ENOX1: variants seen among roughly 807,000 people sequenced by gnomAD.
The protein encoded by ENOX1 is ecto-NOX disulfide-thiol exchanger 1, also known as candidate growth-related and time keeping constitutive hydroquinone (NADH) oxidase.
In ENOX1, 42 loss-of-function variants were observed where a neutral mutation model predicts 82.5. The observed-to-expected ratio is 0.51, with a 90% CI of 0.40 to 0.66. The LOEUF (loss-of-function observed/expected upper bound fraction) is 0.66. ENOX1 is among the 30% of genes least tolerant of loss of function. The probability of loss-of-function intolerance (pLI) is 0.00; values close to 1 mark genes in which losing one functional copy is unlikely to be tolerated. For synonymous variants in ENOX1, 271 were observed against 282.2 expected (o/e 0.96, Z 0.40); for missense variants, 608 against 811.6 (o/e 0.75, Z 3.05).
intron 8 of ENOX1, among the ~76,000 whole-genome samples, chr13:43,353,497 T>C (rs532276421): frequency 1.3e-5 from 2 of 152,336 alleles, no homozygotes; most frequent in South Asian, 4.1e-4. Flanking sequence ...TTTCTTTACC[T>C]TAGGTATTGA....
intron 1 of ENOX1, among the ~76,000 whole-genome samples, chr13:43,690,698 C>G (rs1206330169): frequency 6.6e-6 from 1 of 152,136 alleles, no homozygotes; most frequent in Non-Finnish European, 1.5e-5. Context: ...TCTGTCAGCT[C>G]CAACAAGTCT....
rs746354728 is a variant in ENOX1 at position 43,326,453 on chromosome 13, C to T, written c.1109G>A (p.Arg370His). The T allele has an allele frequency of 6.2e-6, 10 of 1,614,134 alleles. No individual in the cohort carries two copies. The highest frequency in any genetic ancestry group is 5.0e-5 in the Admixed American group (3 of 60,026). The change falls in exon 10 of 17, where the codon CGC (arginine) becomes CAC (histidine). Residue 370 changes from arginine to histidine, a missense_variant. Coordinates refer to ENST00000690772, the MANE Select transcript of ENOX1 (RefSeq NM_001347969.2). ...CTTTCGCCAAATGTCTATGTTCTTGCGCTGGGCTTTCGAGAAATGGTCCCA... is the reference window on the plus strand; with the variant it reads ...CTTTCGCCAAATGTCTATGTTCTTGTGCTGGGCTTTCGAGAAATGGTCCCA... ...KAWDHFSKAQ[R>H]KNIDIWRKHS...
chr13:43,542,140 T>C (rs1259257642), intron 2 of ENOX1, among the ~76,000 whole-genome samples: 1 of 152,036 alleles, frequency 6.6e-6, no homozygotes, highest in African/African-American at 2.4e-5. Context: ...TGTCTTCTTC[T>C]TTTTTTTCTT....
chr13:43,214,415 T>G (rs954591635), intron 16 of ENOX1, among the ~76,000 whole-genome samples: 1 of 152,092 alleles, frequency 6.6e-6, no homozygotes, highest in African/African-American at 2.4e-5. Context: ...TCCCCTGATA[T>G]AAAAGGAGAT....
chr13:43,411,895 T>G, intron 5 of ENOX1, 21 bp downstream of exon 5: 2 of 1,613,802 alleles, frequency 1.2e-6, no homozygotes, highest in Non-Finnish European at 1.7e-6. Flanking sequence ...CAAGCATCTC[T>G]GAAACCAGGA....
At chr13:43,438,119 T>C (rs948556998) in intron 3 of ENOX1, among the ~76,000 whole-genome samples, 11 of 152,218 alleles carry the variant, frequency 7.2e-5, no homozygotes, top group African/African-American at 2.7e-4. Context: ...TGGAGAACGA[T>C]GCTAACAATG....
chr13:43,722,566 A>G (rs2088651289), intron 1 of ENOX1, among the ~76,000 whole-genome samples: 3 of 152,384 alleles, frequency 2.0e-5, no homozygotes, highest in African/African-American at 7.2e-5. Flanking sequence ...ACAACTGGAC[A>G]TAAAATAATA....
intron 1 of ENOX1, among the ~76,000 whole-genome samples, chr13:43,679,574 G>A (rs1231085330): frequency 6.6e-6 from 1 of 152,132 alleles, no homozygotes; most frequent in East Asian, 1.9e-4. Flanking sequence ...GTTTCTATTT[G>A]GAGATGTTTT....
intron 2 of ENOX1, among the ~76,000 whole-genome samples, chr13:43,513,648 T>A (rs2077453743): frequency 6.6e-6 from 1 of 152,180 alleles, no homozygotes; most frequent in Non-Finnish European, 1.5e-5. Flanking sequence ...AATTTTTAGT[T>A]TTTTTATTAA....
intron 2 of ENOX1, among the ~76,000 whole-genome samples, chr13:43,538,156 T>C (rs929576778): frequency 6.6e-6 from 1 of 152,246 alleles, no homozygotes; most frequent in Non-Finnish European, 1.5e-5. Context: ...CACGCTGATA[T>C]AGCCACTCTC....
chr13:43,542,578 G>A (rs2078790128), intron 2 of ENOX1, among the ~76,000 whole-genome samples: 1 of 152,034 alleles, frequency 6.6e-6, no homozygotes, highest in Non-Finnish European at 1.5e-5. Flanking sequence ...TGGGATTACA[G>A]GCACCTGCCA....
intron 2 of ENOX1, among the ~76,000 whole-genome samples, chr13:43,618,687 CT>C (rs1306735498): frequency 6.6e-6 from 1 of 152,004 alleles, no homozygotes; most frequent in Non-Finnish European, 1.5e-5. Flanking sequence ...CAGATTTGTT[CT>C]TTTTGCTTAG....
At chr13:43,507,905 TA>T (rs1212162978) in intron 2 of ENOX1, among the ~76,000 whole-genome samples, 1 of 152,054 alleles carries the variant, frequency 6.6e-6, no homozygotes, top group Non-Finnish European at 1.5e-5. Flanking sequence ...GATCAGTAGT[TA>T]TAACTACATA....
At chr13:43,685,873 A>AACACACAC (rs60259011) in intron 1 of ENOX1, among the ~76,000 whole-genome samples, 7,394 of 141,408 alleles carry the variant, frequency 0.052, 204 homozygotes, top group Middle Eastern at 0.074. Context: ...CCCAGAAGGA[A>AACACACAC]ACACACACAC....
chr13:43,718,671 C>T lies in ENOX1; in HGVS notation c.-284-51127G>A, dbSNP rs887647992. Among the ~76,000 whole-genome samples, 11 of 40,340 alleles carry T rather than the reference C, an allele frequency of 2.7e-4. No homozygotes were observed. In the South Asian group the frequency reaches 8.6e-3, roughly 32 times the overall value. The allele number at this position is 40,340 out of a possible 152,430, so 26.5% of individuals were successfully genotyped here. On this transcript the variant is annotated intron_variant, in intron 1 of 16. Transcript: ENST00000690772. Reference sequence around the variant, plus strand: ...CAGCCTGGGAGACAAAGCAAGACTCCGTCTCAAAAAAAAAAAAAAAAAAAA... The same window carrying T: ...CAGCCTGGGAGACAAAGCAAGACTCTGTCTCAAAAAAAAAAAAAAAAAAAA...
intron 16 of ENOX1, among the ~76,000 whole-genome samples, chr13:43,214,815 T>C (rs954889705): frequency 6.6e-6 from 1 of 152,246 alleles, no homozygotes; most frequent in African/African-American, 2.4e-5. Flanking sequence ...GCTTTTGTTG[T>C]CCTGTGTTAG....
At chr13:43,397,987 C>T (rs562948013) in intron 5 of ENOX1, among the ~76,000 whole-genome samples, 1 of 152,278 alleles carries the variant, frequency 6.6e-6, no homozygotes, top group East Asian at 1.9e-4. Context: ...CTCATTTCGT[C>T]TTTACATGGT....
chr13:43,344,250 G>T (rs766759592), intron 9 of ENOX1, among the ~76,000 whole-genome samples: 15 of 152,142 alleles, frequency 9.9e-5, no homozygotes, highest in Non-Finnish European at 1.8e-4. Context: ...AACCATGGTG[G>T]GTCCAGCAGG....
chr13:43,548,896 C>T (rs978330977), intron 2 of ENOX1, among the ~76,000 whole-genome samples: 4 of 152,058 alleles, frequency 2.6e-5, no homozygotes, highest in African/African-American at 7.2e-5. Flanking sequence ...TCTGCAAAAG[C>T]GCTTCCCAAA....
Sources: gnomAD v4.1 joint callset for allele counts (sites outside exome capture counted in the v4.1 genomes callset) on GRCh38, gnomAD v4.1.1 for gene constraint, MANE v1.5 for transcripts, NCBI Gene and HGNC (gene_info 2026-07-23, HGNC 2026-07-21) for gene names.